CNTN5: variants seen among roughly 807,000 people sequenced by gnomAD.
CNTN5 encodes contactin-5.
A neutral mutation model predicts 129.1 loss-of-function variants in CNTN5; 77 were observed. The observed-to-expected ratio is 0.60, with a 90% CI of 0.50 to 0.72. CNTN5 has a LOEUF of 0.72. Among genes scored for constraint, CNTN5 ranks in the 30% least tolerant of loss-of-function variants. The pLI is 0.00. For missense variants in CNTN5, 1,478 were observed against 1,328.8 expected (o/e 1.11, Z -1.75); for synonymous variants, 509 against 465.6 (o/e 1.09, Z -1.20).
intron 14 of CNTN5, among the ~76,000 whole-genome samples, chr11:100,192,525 C>T (rs10750510): frequency 0.5 from 75,485 of 151,786 alleles, 19,253 homozygotes; most frequent in East Asian, 0.82. Flanking sequence ...ACTGCACTGT[C>T]GCAAACAATA....
chr11:99,602,648 A>G (rs1950349725), intron 3 of CNTN5, among the ~76,000 whole-genome samples: 2 of 151,534 alleles, frequency 1.3e-5, no homozygotes, highest in Non-Finnish European at 2.9e-5. Context: ...GAGTTTGTGC[A>G]ATGTAAAAAA....
chr11:99,747,191 TGCC>T (rs1443845190), intron 3 of CNTN5, among the ~76,000 whole-genome samples: 5 of 152,182 alleles, frequency 3.3e-5, no homozygotes, highest in Non-Finnish European at 7.3e-5. Context: ...TAAAAAATAT[TGCC>T]TTCTTTATTT....
At chr11:99,265,725 T>C (rs939422507) in intron 1 of CNTN5, among the ~76,000 whole-genome samples, 1 of 152,032 alleles carries the variant, frequency 6.6e-6, no homozygotes. Flanking sequence ...AAACAAATCA[T>C]CCATTACAAC....
At chr11:99,123,801 G>A (rs1337908703) in intron 1 of CNTN5, among the ~76,000 whole-genome samples, 1 of 151,914 alleles carries the variant, frequency 6.6e-6, no homozygotes, top group Non-Finnish European at 1.5e-5. Flanking sequence ...TATTGAATAG[G>A]GAGTTCTTTC....
chr11:100,312,311 A>G (rs1951486942), intron 21 of CNTN5, among the ~76,000 whole-genome samples: 1 of 151,996 alleles, frequency 6.6e-6, no homozygotes, highest in Non-Finnish European at 1.5e-5. Context: ...TAGATTTAAC[A>G]CTAAATATGA....
chr11:100,143,808 G>T (rs1392438768), intron 13 of CNTN5, among the ~76,000 whole-genome samples: 1 of 152,122 alleles, frequency 6.6e-6, no homozygotes. Context: ...GGGACCTGAG[G>T]TAGCCAGAGG....
intron 13 of CNTN5, among the ~76,000 whole-genome samples, chr11:100,103,365 C>T (rs778562966): frequency 6.8e-4 from 103 of 152,202 alleles, no homozygotes; most frequent in Non-Finnish European, 2.1e-4. Flanking sequence ...TGATTTCACG[C>T]GTGGGTACTT....
At chr11:99,094,600 T>C (rs1029979452) in intron 1 of CNTN5, among the ~76,000 whole-genome samples, 6 of 151,874 alleles carry the variant, frequency 4.0e-5, no homozygotes, top group African/African-American at 1.2e-4. Flanking sequence ...AAGACAGCCA[T>C]GTCAGGAAAA....
rs115885539 is a variant in CNTN5, at chr11:99,659,280, G to C, written c.55+103011G>C. On this transcript the variant is annotated intron_variant, in intron 3 of 24. Coordinates refer to ENST00000524871, the MANE Select transcript of CNTN5 (RefSeq NM_014361.4). ...AATTATGAAAGGAAGAGAATCATAA[G>C]ATGTGGAGAGATCCAATGGCATTTG... 2.2e-3 allele frequency among the ~76,000 whole-genome samples: 341 copies of C among 152,262 alleles called. 1 individual carries two copies. Among genetic ancestry groups the C allele is most frequent in the African/African-American group, 7.5e-3 (311 of 41,562 alleles).
At chr11:100,023,233 T>G (rs1214316000) in intron 9 of CNTN5, among the ~76,000 whole-genome samples, 2 of 152,232 alleles carry the variant, frequency 1.3e-5, no homozygotes, top group Admixed American at 1.3e-4. Flanking sequence ...ATTCTATTGC[T>G]GTATCCTCAA....
chr11:100,005,700 C>G (rs11222308), intron 9 of CNTN5, among the ~76,000 whole-genome samples: 56,843 of 151,962 alleles, frequency 0.37, 12,034 homozygotes, highest in African/African-American at 0.58. Flanking sequence ...TTGTTTGTTG[C>G]CTTTTTTGAG....
At chr11:100,247,666 C>A (rs1344430085) in intron 16 of CNTN5, among the ~76,000 whole-genome samples, 1 of 152,132 alleles carries the variant, frequency 6.6e-6, no homozygotes, top group Non-Finnish European at 1.5e-5. Context: ...TAATACCATA[C>A]TTCCTAAATA....
chr11:100,216,444 T>C (rs1238719357), intron 15 of CNTN5, among the ~76,000 whole-genome samples: 2 of 152,168 alleles, frequency 1.3e-5, no homozygotes, highest in Non-Finnish European at 2.9e-5. Context: ...TCAATTCATC[T>C]AAATTATGCA....
chr11:99,476,828 T>A (rs1945388401), intron 2 of CNTN5, among the ~76,000 whole-genome samples: 1 of 152,116 alleles, frequency 6.6e-6, no homozygotes, highest in African/African-American at 2.4e-5. Context: ...TTTCAAAGGG[T>A]TGTAGATATC....
intron 6 of CNTN5, among the ~76,000 whole-genome samples, chr11:99,872,453 T>A (rs1948527354): frequency 6.6e-6 from 1 of 152,128 alleles, no homozygotes; most frequent in Non-Finnish European, 1.5e-5. Context: ...ATTAAACACC[T>A]ATGTGGAAGG....
intron 3 of CNTN5, among the ~76,000 whole-genome samples, chr11:99,776,929 C>T (rs1337400597): frequency 6.6e-6 from 1 of 151,890 alleles, no homozygotes; most frequent in Non-Finnish European, 1.5e-5. Context: ...ACATGAGATG[C>T]AAGCAAACTT....
At chr11:99,316,974 G>A (rs1415455832) in intron 1 of CNTN5, among the ~76,000 whole-genome samples, 1 of 152,140 alleles carries the variant, frequency 6.6e-6, no homozygotes, top group Non-Finnish European at 1.5e-5. Context: ...CAGCTGCGAT[G>A]CCAGTGGTAG....
At chr11:99,232,678 CTATTT>C (rs1374682724) in intron 1 of CNTN5, among the ~76,000 whole-genome samples, 5 of 152,002 alleles carry the variant, frequency 3.3e-5, no homozygotes, top group Admixed American at 1.3e-4. Context: ...GGATCTTAAA[CTATTT>C]TAAGTTAATG....
In CNTN5 at chr11:99,132,687, C is replaced by A. The variant is rs966508559; in HGVS notation, c.-210+111417C>A. ...AAAAAGAATAAAATACCTGGGAATACAACTAACAAGGGAAATGAAGGACCT... is the reference window on the plus strand; with the variant it reads ...AAAAAGAATAAAATACCTGGGAATAAAACTAACAAGGGAAATGAAGGACCT... On this transcript the variant is annotated intron_variant, in intron 1 of 24. Coordinates refer to ENST00000524871, the MANE Select transcript of CNTN5 (RefSeq NM_014361.4). Among the ~76,000 whole-genome samples, 3 of 152,134 alleles carry A rather than the reference C, an allele frequency of 2.0e-5. No homozygotes were observed. The South Asian group carries it at 6.2e-4, about 32-fold the overall frequency.
Sources: allele counts gnomAD v4.1 joint callset (sites outside exome capture counted in the v4.1 genomes callset), GRCh38; gene constraint gnomAD v4.1.1; transcripts MANE v1.5; gene names NCBI Gene and HGNC (gene_info 2026-07-23, HGNC 2026-07-21).